ACE: variants seen among roughly 807,000 people sequenced by gnomAD.
The protein encoded by ACE is angiotensin I converting enzyme.
In ACE, 122 loss-of-function variants were observed where a neutral mutation model predicts 162.3. The ratio of observed to expected loss-of-function variants is 0.75; its 90% CI spans 0.65 to 0.87. The LOEUF (loss-of-function observed/expected upper bound fraction) is 0.87. Among genes scored for constraint, ACE ranks in the 40% least tolerant of loss-of-function variants. The probability of loss-of-function intolerance (pLI) is 0.00; values close to 1 mark genes in which losing one functional copy is unlikely to be tolerated. For synonymous variants in ACE, 796 were observed against 720.6 expected, an observed-to-expected ratio of 1.10 and a Z score of -1.68; for missense variants, 1,799 against 1,735.1, an observed-to-expected ratio of 1.04 and a Z score of -0.65.
rs151017978 is a variant in ACE, at chr17:63,479,911, C to A, written c.654C>A (p.Asp218Glu). Residue 218 changes from aspartate to glutamate, a missense_variant and splice_region_variant, in exon 4 of 25, where the codon GAC (aspartate) becomes GAA (glutamate). Asp to Glu is a conservative substitution (Grantham distance 45, BLOSUM62 2). Transcript: ENST00000290866. ...TCAGCAATGAAGCCTACAAGCAGGACGGTGAGCAGGCCTCTCCCTGTCCAG... is the reference window on the plus strand; with the variant it reads ...TCAGCAATGAAGCCTACAAGCAGGAAGGTGAGCAGGCCTCTCCCTGTCCAG... ...TALSNEAYKQ[D>E]GFTDTGAYWR... 3.1e-6 allele frequency: 5 copies of A among 1,608,370 alleles called. No individual in the cohort carries two copies. The highest frequency in any genetic ancestry group is 4.2e-6 in the Non-Finnish European group (5 of 1,179,178).
At position 63,486,540 on chromosome 17, in the gene ACE, T is replaced by TC; in HGVS notation, c.2059-12dup. ...GGAGCTCCTGGGCCCTGTGACACCA[T>TC]CCCCCTGTGCCCTCAGCTGCAGAAG... On this transcript the variant is annotated splice_polypyrimidine_tract_variant and intron_variant, in intron 13 of 24. Coordinates refer to ENST00000290866, the MANE Select transcript of ACE (RefSeq NM_000789.4). 6.2e-7 allele frequency: 1 copy of TC among 1,613,474 alleles called. No individual in the cohort carries two copies. Among genetic ancestry groups the TC allele is most frequent in the Non-Finnish European group, 8.5e-7 (1 of 1,179,732 alleles).
At chr17:63,494,126 C>A in intron 21 of ACE, 60 bp downstream of exon 21, 1 of 1,606,724 alleles carries the variant, frequency 6.2e-7, no homozygotes. Flanking sequence ...CTGCATGTGC[C>A]TGGGTGTCTG....
rs372282664 is a variant in ACE at position 63,497,140 on chromosome 17, G to T, written c.3695G>T (p.Arg1232Leu). The T allele has an allele frequency of 5.6e-6, 9 of 1,603,100 alleles. No individual in the cohort carries two copies. The highest frequency in any genetic ancestry group is 1.1e-5 in the South Asian group (1 of 90,520). Reference protein sequence around the residue: ...PQYNWTPNSARSEGPLPDSGR... With the variant: ...PQYNWTPNSALSEGPLPDSGR... ...TGTCTCCTTGCTTCCCGCTCAGCTC[G>T]CTCAGAAGGGCCCCTCCCAGACAGC... Residue 1232 changes from arginine to leucine, a missense_variant, in exon 25 of 25, where the codon CGC (arginine) becomes CTC (leucine). By Grantham distance (102) the Arg-to-Leu change is moderately radical. Coordinates refer to ENST00000290866, the MANE Select transcript of ACE (RefSeq NM_000789.4).
Position 63,486,830 on chromosome 17 carries a change from C to T in ACE, c.2217+115C>T, listed in dbSNP as rs1329124378. 2.7e-6 allele frequency: 4 copies of T among 1,496,660 alleles called. No individual in the cohort carries two copies. In the African/African-American group the frequency reaches 4.1e-5, roughly 15 times the overall value. The allele number at this position is 1,496,660 out of a possible 1,614,324, so 92.7% of individuals were successfully genotyped here. A position where few individuals can be genotyped will look rare whatever the true frequency, so the allele number is the denominator to read the frequency against. ...TCCTCGTTGTATCAAGTCATGGCAT[C>T]TGCCATGCGATGTGCACCTCAGAAC... is the stretch of plus-strand genomic sequence containing the variant. On this transcript the variant is annotated intron_variant, in intron 14 of 24. Transcript: ENST00000290866.
At chr17:63,494,626 A>G (rs1212285611) in intron 22 of ACE, among the ~76,000 whole-genome samples, 156 bp downstream of exon 22, 4 of 152,224 alleles carry the variant, frequency 2.6e-5, no homozygotes, top group Non-Finnish European at 4.4e-5. Context: ...TCACACTGCC[A>G]AGGCTGATGG....
rs760606594 is a variant in ACE at position 63,485,354 on chromosome 17, A to G, written c.2040A>G (p.Thr680=). 1 of 1,614,096 alleles carries G rather than the reference A, an allele frequency of 6.2e-7. No individual in the cohort carries two copies. The highest frequency in any genetic ancestry group is 1.1e-5 in the South Asian group (1 of 91,060). The change falls in exon 13 of 25, where the codon ACA becomes ACG. Residue 680 remains threonine, a synonymous_variant. Coordinates refer to ENST00000290866, the MANE Select transcript of ACE (RefSeq NM_000789.4). The part of the protein sequence containing the change: ...ANWNYNTNIT[T]ETSKILLQKN... ...GGAACTACAACACCAACATCACCAC[A>G]GAGACCAGCAAGATTCTGGTGGGAG...
rs1477242406 is a variant in ACE at position 63,484,440 on chromosome 17, C to A, written c.1820C>A (p.Thr607Asn). The stretch of plus-strand genomic sequence containing the variant: ...CTGCTCAAGTACTTCCAGCCAGTCA[C>A]CCAGTGGCTGCAGGAGCAGAACCAG... Reference protein sequence around the residue: ...QPLLKYFQPVTQWLQEQNQQN... With the variant: ...QPLLKYFQPVNQWLQEQNQQN... The change falls in exon 12 of 25, where the codon ACC (threonine) becomes AAC (asparagine). Residue 607 changes from threonine to asparagine, a missense_variant. Physicochemically the swap from Thr to Asn is moderately conservative, Grantham distance 65 (BLOSUM62 0). Transcript: ENST00000290866. The surrounding 1 kb of genome is among the most constrained non-coding windows in gnomAD (Gnocchi z 4.0). The A allele has an allele frequency of 6.2e-7, 1 of 1,612,624 alleles. No homozygotes were observed. Among genetic ancestry groups the A allele is most frequent in the Middle Eastern group, 1.8e-4 (1 of 5,634 alleles).
rs371083745 is a variant in ACE at position 63,481,534 on chromosome 17, C to T, written c.946-32C>T. The T allele has an allele frequency of 3.1e-5, 50 of 1,612,018 alleles. No individual in the cohort carries two copies. In the African/African-American group the frequency reaches 5.7e-4, roughly 19 times the overall value. ...GTCCCCAGGCCAGCCAGAGTGGGCTCCCCCTGACCTGGCTCCACACCCCTC... is the reference window on the plus strand; with the variant it reads ...GTCCCCAGGCCAGCCAGAGTGGGCTTCCCCTGACCTGGCTCCACACCCCTC... On this transcript the variant is annotated intron_variant, in intron 6 of 24. Coordinates refer to ENST00000290866, the MANE Select transcript of ACE (RefSeq NM_000789.4).
At position 63,490,985 on chromosome 17, in the gene ACE, C is replaced by A. The variant is rs764892659; in HGVS notation, c.2673C>A (p.Ile891=). The A allele has an allele frequency of 3.9e-5, 63 of 1,614,104 alleles. No individual in the cohort carries two copies. The South Asian group carries it at 6.7e-4, about 17-fold the overall frequency. The change falls in exon 18 of 25, where the codon ATC becomes ATA. Residue 891 remains isoleucine (I), a synonymous_variant. Coordinates refer to ENST00000290866, the MANE Select transcript of ACE (RefSeq NM_000789.4). ...TGTGGGCGCAGACCTGGTCCAACAT[C>A]TATGACTTGGTGGTGCCCTTCCCTT... The part of the protein sequence containing the change: ...GNMWAQTWSN[I]YDLVVPFPSA...
At chr17:63,485,024 ACCCACCAGGCGACGG>A (rs1568039973) in intron 12 of ACE, 197 bp from the exon 13 acceptor site, 2 of 1,574,286 alleles carry the variant, frequency 1.3e-6, no homozygotes, top group Non-Finnish European at 8.6e-7. Flanking sequence ...CCAGACAACC[ACCCACCAGGCGACGG>A]CCCACCAGAC....
chr17:63,483,318 C>G lies in ACE; in HGVS notation c.1488-142C>G, dbSNP rs2049744788. 9 of 1,495,318 alleles carry G rather than the reference C, an allele frequency of 6.0e-6. No individual in the cohort carries two copies. In the South Asian group the frequency reaches 1.0e-4, roughly 17 times the overall value. The allele number at this position is 1,495,318 out of a possible 1,614,324, so 92.6% of individuals were successfully genotyped here. On this transcript the variant is annotated intron_variant, in intron 9 of 24. Transcript: ENST00000290866. ...GACCCACCGCCTTCTCCTTTCCTGC[C>G]TGAAACTCCCTCTTCCAGGAAGTCT...
At position 63,479,795 on chromosome 17, in the gene ACE, C is replaced by G; in HGVS notation, c.538C>G (p.Arg180Gly). The part of the protein sequence containing the change: ...PDLTNILASS[R>G]SYAMLLFAWE... ...TCTCACCAACATCCTGGCTTCCTCG[C>G]GAAGCTACGCCATGCTCCTGTTTGC... The change falls in exon 4 of 25, where the codon CGA becomes GGA. Residue 180 changes from arginine to glycine, a missense_variant. Arg to Gly is a moderately radical substitution (Grantham distance 125). Transcript: ENST00000290866. The G allele has an allele frequency of 1.2e-6, 2 of 1,613,388 alleles. No individual in the cohort carries two copies. Among genetic ancestry groups the G allele is most frequent in the Non-Finnish European group, 1.7e-6 (2 of 1,180,036 alleles).
Position 63,484,924 on chromosome 17 carries a change from C to T in ACE, c.1922-312C>T, listed in dbSNP as rs2029865992. The T allele has an allele frequency of 4.4e-6, 7 of 1,596,034 alleles. 1 individual carries two copies. The highest frequency in any genetic ancestry group is 1.1e-5 in the South Asian group (1 of 87,968). On this transcript the variant is annotated intron_variant, in intron 12 of 24. Coordinates refer to ENST00000290866, the MANE Select transcript of ACE (RefSeq NM_000789.4). This position sits in a 1 kb window ranked among gnomAD's most constrained non-coding sequence, Gnocchi z 4.0. ...CCAGCCTCCTCTTCCTGCTGCTCTG[C>T]TACGGGCACCCTCTGCTGGTCCCCA...
At chr17:63,485,187 G>A (rs369766046) in intron 12 of ACE, 49 bp from the exon 13 acceptor site, 2 of 1,613,160 alleles carry the variant, frequency 1.2e-6, no homozygotes, top group African/African-American at 1.3e-5. Context: ...CCACAAACCT[G>A]GAGAGGGGAG....
intron 15 of ACE, 62 bp downstream of exon 15, chr17:63,487,135 G>T (rs2030009668): frequency 1.4e-6 from 2 of 1,449,208 alleles, no homozygotes; most frequent in South Asian, 1.1e-5. Flanking sequence ...GGGCCCGGGG[G>T]TGCTGGGTGA....
In ACE at chr17:63,480,318, C is replaced by T. The variant is rs756585291; in HGVS notation, c.656-19C>T. 7 of 1,613,158 alleles carry T rather than the reference C, an allele frequency of 4.3e-6. No homozygotes were observed. Among genetic ancestry groups the T allele is most frequent in the South Asian group, 2.2e-5 (2 of 91,068 alleles). Reference sequence around the variant, plus strand: ...CGAGCCTTTGGCCTGAGCTACATACCTCACCCCCACGCCCCCAGGCTTCAC... The same window carrying T: ...CGAGCCTTTGGCCTGAGCTACATACTTCACCCCCACGCCCCCAGGCTTCAC... On this transcript the variant is annotated intron_variant, in intron 4 of 24. Coordinates refer to ENST00000290866, the MANE Select transcript of ACE (RefSeq NM_000789.4).
In ACE at chr17:63,491,686, A is replaced by G. The variant is rs778367272; in HGVS notation, c.2912+305A>G. On this transcript the variant is annotated intron_variant, in intron 19 of 24. Coordinates refer to ENST00000290866, the MANE Select transcript of ACE (RefSeq NM_000789.4). This position sits in a 1 kb window ranked among gnomAD's most constrained non-coding sequence, Gnocchi z 4.4. ...GTCCCTCCTTGGGAGCAGCCCCTGC[A>G]TGGAGCTGGCCTCTCCCTGGGGGCA... Among the ~76,000 whole-genome samples, 13 of 152,164 alleles carry G rather than the reference A, an allele frequency of 8.5e-5. No homozygotes were observed. Among genetic ancestry groups the G allele is most frequent in the Non-Finnish European group, 1.8e-4 (12 of 68,018 alleles).
chr17:63,479,325 C>T (rs1176446350), intron 3 of ACE, among the ~76,000 whole-genome samples: 2 of 152,178 alleles, frequency 1.3e-5, no homozygotes, highest in African/African-American at 2.4e-5. Context: ...GTGTGTACCT[C>T]GGCCTCTCCC....
At position 63,491,809 on chromosome 17, in the gene ACE, G is replaced by A. The variant is rs1402737660; in HGVS notation, c.2912+428G>A. Among the ~76,000 whole-genome samples, 1 of 152,212 alleles carries A rather than the reference G, an allele frequency of 6.6e-6. No individual in the cohort carries two copies. Among genetic ancestry groups the A allele is most frequent in the East Asian group, 1.9e-4 (1 of 5,196 alleles). On this transcript the variant is annotated intron_variant, in intron 19 of 24. Transcript: ENST00000290866. The surrounding 1 kb of genome is among the most constrained non-coding windows in gnomAD (Gnocchi z 4.4). ...TCAGAAGCTGCCTTCCTTGGAGGAT[G>A]GCGTTTTAGTTACCTATTGCTGTGC...
Sources: gnomAD v4.1 joint callset for allele counts (sites outside exome capture counted in the v4.1 genomes callset) on GRCh38, gnomAD v4.1.1 for gene constraint, Gnocchi (gnomAD v3.1) non-coding constraint, MANE v1.5 for transcripts, NCBI Gene and HGNC (gene_info 2026-07-23, HGNC 2026-07-21) for gene names.